Variants in KIAA1217 observed in about 807,000 individuals in gnomAD.
KIAA1217 encodes KIAA1217.
In KIAA1217, 88 loss-of-function variants were observed where a neutral mutation model predicts 163.9. The observed-to-expected ratio is 0.54, with a 90% CI of 0.45 to 0.64. The LOEUF is 0.64. Ranked by LOEUF, KIAA1217 falls within the 30% of genes least tolerant of loss-of-function variation. The pLI is 0.00. For synonymous variants in KIAA1217, 903 were observed against 923.1 expected (o/e 0.98, Z 0.39); for missense variants, 2,372 against 2,475.0 (o/e 0.96, Z 0.88).
chr10:23,792,139 C>A, intron 1 of KIAA1217, among the ~76,000 whole-genome samples: 1 of 152,176 alleles, frequency 6.6e-6, no homozygotes, highest in South Asian at 2.1e-4. Context: ...TTTATCTTTG[C>A]AAGCCAGGAC....
At chr10:23,765,364 G>A (rs929882533) in intron 1 of KIAA1217, among the ~76,000 whole-genome samples, 4 of 151,524 alleles carry the variant, frequency 2.6e-5, no homozygotes. Context: ...TAGTAGAGAC[G>A]GGGTTTCACC....
At chr10:24,327,876 T>C (rs1392622313) in intron 2 of KIAA1217, among the ~76,000 whole-genome samples, 1 of 151,390 alleles carries the variant, frequency 6.6e-6, no homozygotes, top group East Asian at 2.1e-4. Flanking sequence ...ATTCAAACTC[T>C]AGTTCTAGAG....
intron 2 of KIAA1217, among the ~76,000 whole-genome samples, chr10:24,311,146 T>C (rs1439275764): frequency 6.6e-6 from 1 of 152,204 alleles, no homozygotes; most frequent in East Asian, 1.9e-4. Flanking sequence ...CCCCAGGCCG[T>C]AGGAGGTGAT....
chr10:24,030,360 G>A (rs1421711996), intron 2 of KIAA1217, among the ~76,000 whole-genome samples: 3 of 152,044 alleles, frequency 2.0e-5, no homozygotes, highest in Admixed American at 6.6e-5. Context: ...TAATGAGGGA[G>A]TTCTCATGAG....
intron 2 of KIAA1217, among the ~76,000 whole-genome samples, chr10:24,048,743 A>T (rs55791976): frequency 0.076 from 11,151 of 146,974 alleles, 702 homozygotes; most frequent in African/African-American, 0.18. Context: ...AAAAAAAAAA[A>T]ATATATTGGC....
chr10:23,813,238 C>A (rs1003797474), intron 1 of KIAA1217, among the ~76,000 whole-genome samples: 1 of 152,082 alleles, frequency 6.6e-6, no homozygotes, highest in Admixed American at 6.6e-5. Context: ...CTTCTTTGGA[C>A]AACTATCAGC....
chr10:24,476,408 T>G (rs2064044874), intron 6 of KIAA1217, among the ~76,000 whole-genome samples: 1 of 152,206 alleles, frequency 6.6e-6, no homozygotes, highest in African/African-American at 2.4e-5. Flanking sequence ...CACTCCCTTT[T>G]TTAAAAAAGA....
At chr10:24,193,093 A>AT (rs1589846446) in intron 2 of KIAA1217, among the ~76,000 whole-genome samples, 2 of 151,874 alleles carry the variant, frequency 1.3e-5, no homozygotes, top group African/African-American at 4.8e-5. Flanking sequence ...ATTAAAAAAA[A>AT]TTTTTTTGAG....
chr10:24,076,057 G>A (rs924106077), intron 2 of KIAA1217, among the ~76,000 whole-genome samples: 3 of 152,188 alleles, frequency 2.0e-5, no homozygotes, highest in Non-Finnish European at 4.4e-5. Flanking sequence ...GGAATCACTT[G>A]GGGGGAGTAG....
At chr10:24,418,517 A>G (rs1311650751) in intron 3 of KIAA1217, among the ~76,000 whole-genome samples, 10 of 152,264 alleles carry the variant, frequency 6.6e-5, no homozygotes, top group Admixed American at 2.0e-4. Flanking sequence ...CATAAAAAAT[A>G]GCACTTCATG....
intron 2 of KIAA1217, among the ~76,000 whole-genome samples, chr10:24,196,808 G>A (rs2067011169): frequency 6.6e-6 from 1 of 152,182 alleles, no homozygotes; most frequent in African/African-American, 2.4e-5. Context: ...GGGCCGAGGT[G>A]CAGATGCTGC....
At chr10:24,497,798 G>A (rs764483102) in intron 8 of KIAA1217, among the ~76,000 whole-genome samples, 10 of 139,114 alleles carry the variant, frequency 7.2e-5, no homozygotes, top group South Asian at 2.7e-4. Context: ...AATTAGGCCC[G>A]TATTATAATG....
intron 2 of KIAA1217, among the ~76,000 whole-genome samples, chr10:24,222,762 G>A (rs933916114): frequency 3.9e-5 from 6 of 152,044 alleles, no homozygotes; most frequent in Admixed American, 1.3e-4. Context: ...CACCTACCTC[G>A]GCCTCCCAAA....
At chr10:24,273,329 T>G (rs1554787032) in intron 2 of KIAA1217, among the ~76,000 whole-genome samples, 1 of 152,228 alleles carries the variant, frequency 6.6e-6, no homozygotes, top group Non-Finnish European at 1.5e-5. Context: ...CTTCATTCCC[T>G]TTTCTCTAGT....
chr10:23,752,036 C>T (rs938942625), intron 1 of KIAA1217, among the ~76,000 whole-genome samples: 7 of 152,280 alleles, frequency 4.6e-5, no homozygotes, highest in Admixed American at 6.5e-5. Context: ...ATGAGCAATC[C>T]ACCCTCATGT....
chr10:23,885,943 G>T (rs927543385), intron 1 of KIAA1217, among the ~76,000 whole-genome samples: 1 of 151,880 alleles, frequency 6.6e-6, no homozygotes, highest in Admixed American at 6.6e-5. Flanking sequence ...TGTTTAGTGG[G>T]TTATTTGTGG....
At chr10:24,282,557 A>G (rs972420730) in intron 2 of KIAA1217, among the ~76,000 whole-genome samples, 18 of 152,158 alleles carry the variant, frequency 1.2e-4, no homozygotes, top group African/African-American at 4.3e-4. Flanking sequence ...TGAATCCAGT[A>G]TTACTTGATT....
intron 2 of KIAA1217, among the ~76,000 whole-genome samples, chr10:24,263,200 G>C (rs1042863816): frequency 2.0e-5 from 3 of 152,142 alleles, no homozygotes; most frequent in African/African-American, 4.8e-5. Flanking sequence ...AAATACTCAC[G>C]GAAGATTAGC....
At chr10:24,459,883 A>G (rs1483477137) in intron 5 of KIAA1217, among the ~76,000 whole-genome samples, 1 of 152,234 alleles carries the variant, frequency 6.6e-6, no homozygotes, top group African/African-American at 2.4e-5. Flanking sequence ...GTGAGCTATG[A>G]TCACACCACT....
Sources: allele counts gnomAD v4.1 joint callset (sites outside exome capture counted in the v4.1 genomes callset), GRCh38; gene constraint gnomAD v4.1.1; transcripts MANE v1.5; gene names NCBI Gene and HGNC (gene_info 2026-07-23, HGNC 2026-07-21).